RUNDC3B: variants seen among roughly 807,000 people sequenced by gnomAD.
RUNDC3B encodes RUN domain containing 3B.
Under a neutral mutation model 58.4 loss-of-function variants are expected in RUNDC3B, and 33 were observed. The observed-to-expected ratio is 0.56, with a 90% CI of 0.43 to 0.75. The LOEUF is 0.75. Among genes scored for constraint, RUNDC3B ranks in the 30% least tolerant of loss-of-function variants. The pLI, the probability that RUNDC3B is intolerant of heterozygous loss-of-function variation, is 0.00. For missense variants in RUNDC3B, 501 were observed against 535.7 expected (o/e 0.94, Z 0.64); for synonymous variants, 193 against 195.2 (o/e 0.99, Z 0.10).
At chr7:87,706,335 G>T (rs923478135) in intron 3 of RUNDC3B, among the ~76,000 whole-genome samples, 10 of 151,970 alleles carry the variant, frequency 6.6e-5, no homozygotes, top group South Asian at 2.1e-4. Context: ...CATTTTATAA[G>T]ATCAGCTTGG....
At chr7:87,649,794 T>A (rs766958771) in intron 1 of RUNDC3B, among the ~76,000 whole-genome samples, 1 of 152,214 alleles carries the variant, frequency 6.6e-6, no homozygotes. Context: ...AATTGAATCA[T>A]GGCAGCGGGC....
At chr7:87,703,428 G>A (rs1829266664) in intron 3 of RUNDC3B, among the ~76,000 whole-genome samples, 1 of 152,106 alleles carries the variant, frequency 6.6e-6, no homozygotes, top group Non-Finnish European at 1.5e-5. Flanking sequence ...TAATATGAAA[G>A]TACACTTTTG....
At position 87,816,282 on chromosome 7, in the gene RUNDC3B, T is replaced by G; in HGVS notation, c.1225+20T>G. On this transcript the variant is annotated intron_variant, in intron 10 of 10. Transcript: ENST00000394654. Reference sequence around the variant, plus strand: ...GTGAAGGTAAGAAAACAAAGAACTATTTGAAAATTACTCTTTTCCTGTACC... The same window carrying G: ...GTGAAGGTAAGAAAACAAAGAACTAGTTGAAAATTACTCTTTTCCTGTACC... The G allele has an allele frequency of 6.3e-7, 1 of 1,596,204 alleles. No individual in the cohort carries two copies. Among genetic ancestry groups the G allele is most frequent in the Non-Finnish European group, 8.6e-7 (1 of 1,168,552 alleles).
chr7:87,728,842 C>G (rs1255418017), intron 4 of RUNDC3B, among the ~76,000 whole-genome samples: 1 of 152,150 alleles, frequency 6.6e-6, no homozygotes. Context: ...TCAAATGTCA[C>G]CCCCTCGTGA....
chr7:87,739,778 T>C lies in RUNDC3B; in HGVS notation c.459-13T>C, dbSNP rs750316209. ...TTTTAATATTTTATATATTCACCCATTTCATTTTTTAGGAGATTTTATGAA... is the reference window on the plus strand; with the variant it reads ...TTTTAATATTTTATATATTCACCCACTTCATTTTTTAGGAGATTTTATGAA... On this transcript the variant is annotated splice_polypyrimidine_tract_variant and intron_variant, in intron 4 of 10. Coordinates refer to ENST00000394654, the MANE Select transcript of RUNDC3B (RefSeq NM_001134405.2). 38 of 1,360,272 alleles carry C rather than the reference T, an allele frequency of 2.8e-5. No homozygotes were observed. The highest frequency in any genetic ancestry group is 7.3e-6 in the Non-Finnish European group (7 of 959,676). 84.3% of individuals were successfully genotyped at this position (1,360,272 alleles called of 1,614,324 possible).
At chr7:87,695,718 T>C (rs1828440849) in intron 2 of RUNDC3B, among the ~76,000 whole-genome samples, 1 of 152,116 alleles carries the variant, frequency 6.6e-6, no homozygotes, top group African/African-American at 2.4e-5. Flanking sequence ...ATATTTTTCT[T>C]GTATTATGAA....
At chr7:87,799,999 C>G (rs1261764514) in intron 8 of RUNDC3B, among the ~76,000 whole-genome samples, 2 of 152,034 alleles carry the variant, frequency 1.3e-5, no homozygotes, top group African/African-American at 4.8e-5. Flanking sequence ...ATCAGAATTG[C>G]TCACTCACAC....
rs1180097050 is a variant in RUNDC3B, at chr7:87,640,836, GT to G, written c.123-9981del. Among the ~76,000 whole-genome samples the G allele has an allele frequency of 3.3e-5, 5 of 152,192 alleles. No homozygotes were observed. The East Asian group carries it at 9.7e-4, about 29-fold the overall frequency. On this transcript the variant is annotated intron_variant, in intron 1 of 10. Transcript: ENST00000394654. ...TTCTACTGTTTAATCCATTGAATGAGTTTTTAATTTCAGGTAGTTCCAGAAT... is the reference window on the plus strand; with the variant it reads ...TTCTACTGTTTAATCCATTGAATGAGTTTTAATTTCAGGTAGTTCCAGAAT...
At chr7:87,821,253 A>G (rs1332673821) in intron 10 of RUNDC3B, among the ~76,000 whole-genome samples, 1 of 152,094 alleles carries the variant, frequency 6.6e-6, no homozygotes, top group Non-Finnish European at 1.5e-5. Context: ...ATAACAGACA[A>G]ACAGAGAGCG....
chr7:87,698,156 G>A (rs1828664577), intron 2 of RUNDC3B, among the ~76,000 whole-genome samples: 1 of 152,158 alleles, frequency 6.6e-6, no homozygotes, highest in Admixed American at 6.5e-5. Flanking sequence ...CTGGAGTGCA[G>A]TGGCACGATC....
At chr7:87,795,310 G>T (rs1190522779) in intron 8 of RUNDC3B, among the ~76,000 whole-genome samples, 1 of 152,090 alleles carries the variant, frequency 6.6e-6, no homozygotes, top group East Asian at 1.9e-4. Flanking sequence ...ATTAAAAAGT[G>T]GGCAAAAGAT....
chr7:87,727,755 A>T (rs1300912698), intron 4 of RUNDC3B, among the ~76,000 whole-genome samples: 1 of 152,174 alleles, frequency 6.6e-6, no homozygotes, highest in African/African-American at 2.4e-5. Flanking sequence ...TCTCTTTGGG[A>T]TTAGATCCTT....
At chr7:87,725,792 G>A (rs1023514656) in intron 4 of RUNDC3B, among the ~76,000 whole-genome samples, 1 of 152,184 alleles carries the variant, frequency 6.6e-6, no homozygotes, top group Non-Finnish European at 1.5e-5. Context: ...TCTAACTGGT[G>A]TGAGATGGTA....
At chr7:87,676,152 A>C (rs1009718804) in intron 2 of RUNDC3B, among the ~76,000 whole-genome samples, 3 of 152,148 alleles carry the variant, frequency 2.0e-5, no homozygotes, top group Admixed American at 2.0e-4. Flanking sequence ...GGTTGAACCC[A>C]GGAGTTTGAG....
intron 10 of RUNDC3B, among the ~76,000 whole-genome samples, chr7:87,828,097 G>T (rs1837930051): frequency 6.6e-6 from 1 of 152,120 alleles, no homozygotes; most frequent in Admixed American, 6.5e-5. Flanking sequence ...TTGTTCAAAA[G>T]GGCCCCTCCA....
chr7:87,720,458 T>A (rs964266220), intron 4 of RUNDC3B, among the ~76,000 whole-genome samples: 2 of 151,858 alleles, frequency 1.3e-5, no homozygotes, highest in African/African-American at 4.8e-5. Context: ...AAAATCTACA[T>A]AGTAACTTAC....
In RUNDC3B at chr7:87,823,393, A is replaced by T. The variant is rs77904215; in HGVS notation, c.1226-6492A>T. On this transcript the variant is annotated intron_variant, in intron 10 of 10. Coordinates refer to ENST00000394654, the MANE Select transcript of RUNDC3B (RefSeq NM_001134405.2). Reference sequence around the variant, plus strand: ...TTTTTTTCTTTCTTTAAAATTGAGTATCTTTATTTTTTATTTTTATTTTTT... The same window carrying T: ...TTTTTTTCTTTCTTTAAAATTGAGTTTCTTTATTTTTTATTTTTATTTTTT... 8.4e-3 allele frequency among the ~76,000 whole-genome samples: 1,272 copies of T among 151,766 alleles called. 13 individuals carry two copies. Among genetic ancestry groups the T allele is most frequent in the South Asian group, 0.036 (174 of 4,808 alleles).
intron 4 of RUNDC3B, among the ~76,000 whole-genome samples, chr7:87,715,314 A>G (rs1830472226): frequency 7.6e-6 from 1 of 131,314 alleles, no homozygotes; most frequent in Non-Finnish European, 1.6e-5. Flanking sequence ...TATATAATTA[A>G]TTTATAATAA....
At chr7:87,728,947 C>T (rs902488153) in intron 4 of RUNDC3B, among the ~76,000 whole-genome samples, 5 of 152,062 alleles carry the variant, frequency 3.3e-5, no homozygotes, top group Non-Finnish European at 5.9e-5. Flanking sequence ...TTCCTTTTGA[C>T]TCCTTTAATT....
Sources: gnomAD v4.1 joint callset for allele counts (sites outside exome capture counted in the v4.1 genomes callset) on GRCh38, gnomAD v4.1.1 for gene constraint, MANE v1.5 for transcripts, NCBI Gene and HGNC (gene_info 2026-07-23, HGNC 2026-07-21) for gene names.